Variants in TAFA2 observed in about 807,000 individuals in gnomAD.
The protein encoded by TAFA2 is chemokine-like protein TAFA-2.
TAFA2 carries 7 observed loss-of-function variants against 18.8 expected under a neutral mutation model. The observed-to-expected ratio is 0.37, with a 90% confidence interval of 0.21 to 0.70. The LOEUF (loss-of-function observed/expected upper bound fraction) is 0.70. Among genes scored for constraint, TAFA2 ranks in the 30% least tolerant of loss-of-function variants. The probability of loss-of-function intolerance (pLI) is 0.53; values close to 1 mark genes in which losing one functional copy is unlikely to be tolerated. For missense variants in TAFA2, 122 were observed against 158.1 expected (o/e 0.77, Z 1.23); for synonymous variants, 60 against 54.2 (o/e 1.11, Z -0.47).
At chr12:61,917,025 G>A (rs1044340655) in intron 1 of TAFA2, among the ~76,000 whole-genome samples, 1 of 152,070 alleles carries the variant, frequency 6.6e-6, no homozygotes, top group Non-Finnish European at 1.5e-5. Context: ...ACTCATACAC[G>A]GTAAGGAGAG....
intron 1 of TAFA2, among the ~76,000 whole-genome samples, chr12:62,246,132 G>A (rs1050751782): frequency 1.4e-4 from 21 of 151,410 alleles, no homozygotes; most frequent in African/African-American, 5.1e-4. Flanking sequence ...GACTACAGGC[G>A]CCCGCCACAA....
rs951343579 is a variant in TAFA2 at position 62,021,842 on chromosome 12, A to G, written c.-1-154416T>C. The stretch of plus-strand genomic sequence containing the variant: ...CGCTGTGGATCATCAGGCCATCCAC[A>G]AAACTTCATGGATTTAGTCCTCCGT... On this transcript the variant is annotated intron_variant, in intron 1 of 4. Coordinates refer to ENST00000416284, the MANE Select transcript of TAFA2 (RefSeq NM_178539.5). 8.7e-6 allele frequency: 7 copies of G among 801,382 alleles called. No individual in the cohort carries two copies. In the African/African-American group the frequency reaches 1.0e-4, roughly 12 times the overall value. The allele number at this position is 801,382 out of a possible 1,614,324, so 49.6% of individuals were successfully genotyped here. A position where few individuals can be genotyped will look rare whatever the true frequency, so the allele number is the denominator to read the frequency against.
At chr12:62,211,566 C>T (rs191486882) in intron 1 of TAFA2, among the ~76,000 whole-genome samples, 72 of 127,362 alleles carry the variant, frequency 5.7e-4, no homozygotes, top group East Asian at 2.5e-3. Flanking sequence ...GGTGACAGAG[C>T]GAGGCTCCGT....
intron 1 of TAFA2, among the ~76,000 whole-genome samples, chr12:62,232,903 A>C (rs2062818069): frequency 6.6e-6 from 1 of 151,850 alleles, no homozygotes. Context: ...CTGGATAAAG[A>C]CTTATTTCTC....
intron 1 of TAFA2, among the ~76,000 whole-genome samples, chr12:62,071,406 T>C (rs1273799013): frequency 6.6e-6 from 1 of 152,070 alleles, no homozygotes; most frequent in East Asian, 1.9e-4. Flanking sequence ...GAGAGTGATT[T>C]TTCTTCTAGG....
chr12:61,997,165 A>ATGTGTGTGTGTGTG (rs1280241925), intron 1 of TAFA2, among the ~76,000 whole-genome samples: 18 of 83,718 alleles, frequency 2.2e-4, no homozygotes, highest in Admixed American at 9.7e-4. Context: ...CTATATGTAT[A>ATGTGTGTGTGTGTG]TATGTGTGTG....
At chr12:62,151,051 A>G (rs1403563962) in intron 1 of TAFA2, among the ~76,000 whole-genome samples, 2 of 152,086 alleles carry the variant, frequency 1.3e-5, no homozygotes, top group East Asian at 3.8e-4. Flanking sequence ...CTAAAACACT[A>G]ATTTCTTTAT....
At chr12:61,710,992 G>C (rs1306130063) in intron 4 of TAFA2, among the ~76,000 whole-genome samples, 1 of 151,922 alleles carries the variant, frequency 6.6e-6, no homozygotes, top group Non-Finnish European at 1.5e-5. Context: ...TCTGAGGAAA[G>C]AAACAATAAG....
chr12:61,890,911 T>G (rs954703701), intron 1 of TAFA2, among the ~76,000 whole-genome samples: 4 of 152,180 alleles, frequency 2.6e-5, no homozygotes, highest in African/African-American at 7.2e-5. Context: ...GTGGAAATAT[T>G]TTCATTTTGT....
intron 1 of TAFA2, among the ~76,000 whole-genome samples, chr12:61,993,354 T>C (rs1367742357): frequency 6.6e-6 from 1 of 152,178 alleles, no homozygotes; most frequent in Non-Finnish European, 1.5e-5. Context: ...TAATCTCAAG[T>C]GTACATGCTT....
At chr12:62,155,541 AACTAT>A (rs1172344293) in intron 1 of TAFA2, among the ~76,000 whole-genome samples, 1 of 152,216 alleles carries the variant, frequency 6.6e-6, no homozygotes, top group Admixed American at 6.6e-5. Flanking sequence ...CCTGACTTCA[AACTAT>A]ACTATAAGGC....
chr12:61,915,523 TACTC>T (rs1196904163), intron 1 of TAFA2, among the ~76,000 whole-genome samples: 2 of 152,204 alleles, frequency 1.3e-5, no homozygotes, highest in Non-Finnish European at 2.9e-5. Flanking sequence ...AGTATTGGCT[TACTC>T]AGTCATAGCG....
In TAFA2 at chr12:61,733,668, T is replaced by G. The variant is rs1246783906; in HGVS notation, c.384+19954A>C. On this transcript the variant is annotated intron_variant, in intron 4 of 4. Transcript: ENST00000416284. ...GGTACCAGTACCATGCTGTTTTGGT[T>G]ACTGTAGCCTTGTAGTATAGTTTGA... Among the ~76,000 whole-genome samples the G allele has an allele frequency of 6.3e-3, 939 of 150,058 alleles. 8 individuals carry two copies. The highest frequency in any genetic ancestry group is 0.02 in the African/African-American group (813 of 41,084).
intron 4 of TAFA2, among the ~76,000 whole-genome samples, chr12:61,747,946 T>C (rs79253579): frequency 0.021 from 3,170 of 152,030 alleles, 128 homozygotes; most frequent in African/African-American, 0.072. Context: ...ATGTGGAAGG[T>C]AAGTTGTTTT....
At chr12:62,130,587 C>T (rs1277124812) in intron 1 of TAFA2, among the ~76,000 whole-genome samples, 1 of 151,834 alleles carries the variant, frequency 6.6e-6, no homozygotes, top group African/African-American at 2.4e-5. Flanking sequence ...ACATGTGTTC[C>T]TCTTTTCGTT....
intron 1 of TAFA2, among the ~76,000 whole-genome samples, chr12:61,947,221 A>T (rs1878301408): frequency 6.8e-6 from 1 of 147,604 alleles, no homozygotes. Flanking sequence ...AAAACCAAAC[A>T]CCGCATATTC....
chr12:61,837,715 T>C (rs1441626031), intron 2 of TAFA2, among the ~76,000 whole-genome samples: 1 of 151,978 alleles, frequency 6.6e-6, no homozygotes, highest in East Asian at 1.9e-4. Flanking sequence ...ATATAGCTGC[T>C]GCGTTCCTGA....
chr12:62,025,696 A>T (rs1490902432), intron 1 of TAFA2, among the ~76,000 whole-genome samples: 1 of 152,110 alleles, frequency 6.6e-6, no homozygotes, highest in Non-Finnish European at 1.5e-5. Flanking sequence ...GCTTTGTGTA[A>T]CACTTAGTAG....
chr12:61,874,154 G>A (rs1007557678), intron 1 of TAFA2, among the ~76,000 whole-genome samples: 13 of 152,082 alleles, frequency 8.5e-5, no homozygotes, highest in African/African-American at 3.1e-4. Flanking sequence ...TGAAGAACTA[G>A]TATTTACATT....
Sources: allele counts gnomAD v4.1 joint callset (sites outside exome capture counted in the v4.1 genomes callset), GRCh38; gene constraint gnomAD v4.1.1; transcripts MANE v1.5; gene names NCBI Gene and HGNC (gene_info 2026-07-23, HGNC 2026-07-21).